The following CDCA7 variants were observed in gnomAD, a reference collection of about 807,000 sequenced individuals.
CDCA7 encodes cell division cycle associated 7, also known as cell division cycle-associated protein 7.
In CDCA7, 28 loss-of-function variants were observed where a neutral mutation model predicts 54.0. The ratio of observed to expected loss-of-function variants is 0.52; its 90% CI spans 0.38 to 0.71. CDCA7 has a LOEUF of 0.71. Ranked by LOEUF, CDCA7 falls within the 30% of genes least tolerant of loss-of-function variation. The pLI, the probability that CDCA7 is intolerant of heterozygous loss-of-function variation, is 0.00. For synonymous variants in CDCA7, 180 were observed against 208.2 expected (o/e 0.86, Z 1.16); for missense variants, 484 against 586.0 (o/e 0.83, Z 1.80).
In CDCA7 at chr2:173,354,912, G is replaced by T. The variant is rs1686463692; in HGVS notation, c.-52G>T. 1 of 1,454,084 alleles carries T rather than the reference G, an allele frequency of 6.9e-7. No homozygotes were observed. 90.1% of individuals were successfully genotyped at this position (1,454,084 alleles called of 1,614,324 possible). On this transcript the variant is annotated 5_prime_UTR_variant, in exon 1 of 10. Transcript: ENST00000306721. ...CCTGCTGTGGGACCGCTGACCGCGC[G>T]GCTGCTCCGCTCTCCCCGCTCCAAG...
Position 173,354,998 on chromosome 2 carries a change from G to A in CDCA7, c.21+14G>A, listed in dbSNP as rs1424577641. The A allele has an allele frequency of 4.3e-6, 6 of 1,384,800 alleles. No homozygotes were observed. The highest frequency in any genetic ancestry group is 5.6e-6 in the Non-Finnish European group (6 of 1,079,032). 85.8% of individuals were successfully genotyped at this position (1,384,800 alleles called of 1,614,324 possible). A position where few individuals can be genotyped will look rare whatever the true frequency, so the allele number is the denominator to read the frequency against. On this transcript the variant is annotated intron_variant, in intron 1 of 9. Coordinates refer to ENST00000306721, the MANE Select transcript of CDCA7 (RefSeq NM_031942.5). ...CGCCGCGTGCCGGTGAGGGCTGGGC[G>A]GGCGAACCCGAGGGGCGGGCGCGGT... is the stretch of plus-strand genomic sequence containing the variant.
Position 173,366,444 on chromosome 2 carries a change from C to T in CDCA7, c.1185+12C>T, listed in dbSNP as rs1265319360. ...CTCTGCTGGATCCGGTAGGTGCCTG[C>T]CAGGGGTTGGTCCTGTGGGCTTGAA... On this transcript the variant is annotated intron_variant, in intron 8 of 9. Coordinates refer to ENST00000306721, the MANE Select transcript of CDCA7 (RefSeq NM_031942.5). The surrounding 1 kb of genome is among the most constrained non-coding windows in gnomAD (Gnocchi z 4.5). The T allele has an allele frequency of 6.2e-7, 1 of 1,613,322 alleles. No homozygotes were observed. Among genetic ancestry groups the T allele is most frequent in the Non-Finnish European group, 8.5e-7 (1 of 1,179,550 alleles).
rs577219258 is a variant in CDCA7, at chr2:173,363,892, C to G, written c.696C>G (p.Asp232Glu). 1.7e-5 allele frequency: 28 copies of G among 1,614,096 alleles called. No individual in the cohort carries two copies. The South Asian group carries it at 2.7e-4, about 16-fold the overall frequency. The change falls in exon 5 of 10, where the codon GAC becomes GAG. Residue 232 changes from aspartate to glutamate, a missense_variant. Asp to Glu is a conservative substitution (Grantham distance 45, BLOSUM62 2). Transcript: ENST00000306721. ...GAAGACATCCCCTCCCAGGCTCCGA[C>G]TCAGTAAGTACCAGTTCTTGTTTAT... is the stretch of plus-strand genomic sequence containing the variant. ...FRGRHPLPGS[D>E]SQSRRPRRRT...
chr2:173,355,211 C>G (rs1379322208), intron 1 of CDCA7, among the ~76,000 whole-genome samples: 2 of 152,254 alleles, frequency 1.3e-5, no homozygotes, highest in Non-Finnish European at 2.9e-5. Context: ...GGCGTGGAGA[C>G]TTGAGTCGTT....
At chr2:173,355,023 T>G (rs978524540) in intron 1 of CDCA7, 39 bp downstream of exon 1, 5 of 1,359,970 alleles carry the variant, frequency 3.7e-6, no homozygotes, top group African/African-American at 1.5e-5. Flanking sequence ...GCGGGCGCGG[T>G]GGGTGCTGGA....
chr2:173,364,024 A>G, intron 5 of CDCA7, 129 bp downstream of exon 5: 2 of 756,488 alleles, frequency 2.6e-6, no homozygotes, highest in Non-Finnish European at 4.3e-6. Context: ...CCTAGAGGAA[A>G]CCCCCTGACA....
chr2:173,362,919 A>G (rs537277928), intron 3 of CDCA7, among the ~76,000 whole-genome samples: 1 of 152,278 alleles, frequency 6.6e-6, no homozygotes, highest in East Asian at 1.9e-4. Context: ...TTTAAAATAC[A>G]TAAAGATCTG....
At chr2:173,363,546 T>C in intron 4 of CDCA7, 84 bp downstream of exon 4, 1 of 1,308,774 alleles carries the variant, frequency 7.6e-7, no homozygotes, top group Non-Finnish European at 1.1e-6. Context: ...GCAAAAGTTA[T>C]TTTTTTCTGT....
chr2:173,366,617 C>T lies in CDCA7; in HGVS notation c.1185+185C>T, dbSNP rs1409646740. On this transcript the variant is annotated intron_variant, in intron 8 of 9. Transcript: ENST00000306721. This position sits in a 1 kb window ranked among gnomAD's most constrained non-coding sequence, Gnocchi z 4.5. ...GCAGTGGCGCGATCTCAGCTCACTG[C>T]AACCTCCTCCTCCTGGGTTCAAGCG... Among the ~76,000 whole-genome samples the T allele has an allele frequency of 1.3e-5, 2 of 152,184 alleles. No homozygotes were observed. The highest frequency in any genetic ancestry group is 1.5e-5 in the Non-Finnish European group (1 of 68,040).
In CDCA7 at chr2:173,358,902, T is replaced by C. The variant is rs536071273; in HGVS notation, c.147+65T>C. On this transcript the variant is annotated intron_variant, in intron 2 of 9. Transcript: ENST00000306721. Reference sequence around the variant, plus strand: ...TGCTCAAAATGCCCCAGATGCTTTGTGCGTGATTAAAACTGCTTGCTTTTT... The same window carrying C: ...TGCTCAAAATGCCCCAGATGCTTTGCGCGTGATTAAAACTGCTTGCTTTTT... 67 of 1,561,888 alleles carry C rather than the reference T, an allele frequency of 4.3e-5. No individual in the cohort carries two copies. The South Asian group carries it at 7.7e-4, about 18-fold the overall frequency.
At chr2:173,355,031 G>A (rs1303648246) in intron 1 of CDCA7, 47 bp downstream of exon 1, 2 of 1,310,318 alleles carry the variant, frequency 1.5e-6, no homozygotes, top group Admixed American at 4.2e-5. Context: ...GGTGGGTGCT[G>A]GACGCAGGCG....
intron 1 of CDCA7, among the ~76,000 whole-genome samples, chr2:173,356,406 C>A (rs778600755): frequency 2.6e-5 from 4 of 152,172 alleles, no homozygotes; most frequent in Non-Finnish European, 5.9e-5. Context: ...ATGCGATGAA[C>A]ACTGCTGCTT....
intron 5 of CDCA7, chr2:173,364,557 G>A (rs965624653): frequency 1.8e-5 from 7 of 392,988 alleles, no homozygotes; most frequent in African/African-American, 8.6e-5. Context: ...TTAAGTAAAA[G>A]AATAAATAGC....
At chr2:173,356,195 C>G (rs1574212983) in intron 1 of CDCA7, 1 of 152,250 alleles carries the variant, frequency 6.6e-6, no homozygotes, top group East Asian at 1.9e-4. Flanking sequence ...TCCGTCTTGA[C>G]TATTTGCCTT....
Position 173,363,888 on chromosome 2 carries a change from C to A in CDCA7, c.692C>A (p.Ser231Tyr). 6.2e-7 allele frequency: 1 copy of A among 1,614,162 alleles called. No homozygotes were observed. Among genetic ancestry groups the A allele is most frequent in the Non-Finnish European group, 8.5e-7 (1 of 1,179,984 alleles). ...CGTGGAAGACATCCCCTCCCAGGCT[C>A]CGACTCAGTAAGTACCAGTTCTTGT... ...SFRGRHPLPG[S>Y]DSQSRRPRRR... Residue 231 changes from serine to tyrosine, a missense_variant, in exon 5 of 10, where the codon TCC (serine) becomes TAC (tyrosine). Around this residue, in one of 3 missense-constraint regions of CDCA7, gnomAD observed 398 missense variants for 447.4 expected, o/e 0.89. Transcript: ENST00000306721.
chr2:173,360,165 T>G (rs1022893967), intron 3 of CDCA7, among the ~76,000 whole-genome samples: 1 of 152,194 alleles, frequency 6.6e-6, no homozygotes, highest in Non-Finnish European at 1.5e-5. Flanking sequence ...AACTCACTGG[T>G]CTGACATGGA....
chr2:173,361,434 T>C (rs1686618946), intron 3 of CDCA7, among the ~76,000 whole-genome samples: 1 of 148,224 alleles, frequency 6.7e-6, no homozygotes, highest in Non-Finnish European at 1.5e-5. Context: ...GCTAATACTT[T>C]TTTTTATTTT....
In CDCA7 at chr2:173,367,172, G is replaced by A; in HGVS notation, c.1208G>A (p.Arg403Gln). 1 of 1,600,820 alleles carries A rather than the reference G, an allele frequency of 6.2e-7. No homozygotes were observed. Among genetic ancestry groups the A allele is most frequent in the Non-Finnish European group, 8.5e-7 (1 of 1,174,678 alleles). The part of the protein sequence containing the change: ...LDPNWHCPPC[R>Q]GICNCSFCRQ... ...CAGAACTGGCATTGCCCGCCTTGTCGAGGAATCTGCAACTGCAGTTTCTGC... is the reference window on the plus strand; with the variant it reads ...CAGAACTGGCATTGCCCGCCTTGTCAAGGAATCTGCAACTGCAGTTTCTGC... The change falls in exon 9 of 10, where the codon CGA becomes CAA. Residue 403 changes from arginine to glutamine, a missense_variant. Around this residue, in one of 3 missense-constraint regions of CDCA7, gnomAD observed 83 missense variants for 122.3 expected, o/e 0.68. Transcript: ENST00000306721.
In CDCA7 at chr2:173,366,140, C is replaced by A; in HGVS notation, c.1036-143C>A. ...GCACCTGGTTGAGTTATTTTTCATACCCTGGCATATACATGTGTATGTAGA... is the reference window on the plus strand; with the variant it reads ...GCACCTGGTTGAGTTATTTTTCATAACCTGGCATATACATGTGTATGTAGA... On this transcript the variant is annotated intron_variant, in intron 7 of 9. Transcript: ENST00000306721. The surrounding 1 kb of genome is among the most constrained non-coding windows in gnomAD (Gnocchi z 4.5). 4 of 929,502 alleles carry A rather than the reference C, an allele frequency of 4.3e-6. No individual in the cohort carries two copies. The highest frequency in any genetic ancestry group is 1.9e-5 in the South Asian group (1 of 53,498). The allele number at this position is 929,502 out of a possible 1,614,324, so 57.6% of individuals were successfully genotyped here. A position where few individuals can be genotyped will look rare whatever the true frequency, so the allele number is the denominator to read the frequency against.
Sources: gnomAD v4.1 joint callset for allele counts (sites outside exome capture counted in the v4.1 genomes callset) on GRCh38, gnomAD v4.1.1 for gene constraint, gnomAD v4.1.1 regional missense constraint, Gnocchi (gnomAD v3.1) non-coding constraint, MANE v1.5 for transcripts, NCBI Gene and HGNC (gene_info 2026-07-23, HGNC 2026-07-21) for gene names.